The following ATP13A3 variants were observed in gnomAD, a reference collection of about 807,000 sequenced individuals.
The protein encoded by ATP13A3 is ATPase 13A3.
ATP13A3 carries 59 observed loss-of-function variants against 158.1 expected under a neutral mutation model. That is an observed-to-expected ratio of 0.37 (90% CI 0.30 to 0.46). ATP13A3 has a LOEUF of 0.46. Among genes scored for constraint, ATP13A3 ranks in the 20% least tolerant of loss-of-function variants. The pLI, the probability that ATP13A3 is intolerant of heterozygous loss-of-function variation, is 1.00. For synonymous variants in ATP13A3, 491 were observed against 504.3 expected, an observed-to-expected ratio of 0.97 and a Z score of 0.35; for missense variants, 1,166 against 1,525.2, an observed-to-expected ratio of 0.76 and a Z score of 3.92.
In ATP13A3 at chr3:194,409,693, A is replaced by ATTTTTTTTTTTTTTT. The variant is rs71179358; in HGVS notation, c.3573+2491_3573+2505dup. Among the ~76,000 whole-genome samples the ATTTTTTTTTTTTTTT allele has an allele frequency of 3.7e-3, 349 of 93,978 alleles. 43 individuals carry two copies. The highest frequency in any genetic ancestry group is 9.0e-3 in the African/African-American group (184 of 20,336). 61.7% of individuals were successfully genotyped at this position (93,978 alleles called of 152,430 possible). ...TGCTTGATAATCACTGACGTAAAGA[A>ATTTTTTTTTTTTTTT]TTTTTTTTTTTTTTTTTTTTTTTTT... On this transcript the variant is annotated intron_variant, in intron 33 of 33. Coordinates refer to ENST00000645319, the MANE Select transcript of ATP13A3 (RefSeq NM_001367549.1).
chr3:194,468,681 G>A (rs1720145376), intron 2 of ATP13A3, among the ~76,000 whole-genome samples: 2 of 152,158 alleles, frequency 1.3e-5, no homozygotes, highest in South Asian at 4.1e-4. Context: ...TGAGTGTGGA[G>A]AGTGTTGAAT....
chr3:194,450,040 G>C, intron 11 of ATP13A3, 105 bp downstream of exon 11: 1 of 1,179,326 alleles, frequency 8.5e-7, no homozygotes, highest in South Asian at 1.5e-5. Context: ...ACATATTCAT[G>C]AGTAAAGGTA....
chr3:194,444,038 T>G (rs1178774602), intron 15 of ATP13A3, among the ~76,000 whole-genome samples: 1 of 152,210 alleles, frequency 6.6e-6, no homozygotes, highest in East Asian at 1.9e-4. Flanking sequence ...TCCATCCATC[T>G]GGCAAAAATT....
chr3:194,434,986 A>C (rs1717518017), intron 20 of ATP13A3, among the ~76,000 whole-genome samples: 1 of 152,200 alleles, frequency 6.6e-6, no homozygotes, highest in Non-Finnish European at 1.5e-5. Context: ...TATATCATAG[A>C]AATTTTTTTC....
Position 194,431,740 on chromosome 3 carries a change from G to A in ATP13A3, c.2398C>T (p.His800Tyr). 2.5e-6 allele frequency: 4 copies of A among 1,600,900 alleles called. No homozygotes were observed. Among genetic ancestry groups the A allele is most frequent in the Non-Finnish European group, 3.4e-6 (4 of 1,174,750 alleles). ...HYADSLTQCS[H>Y]PSAIDPEAIP... is the part of the protein sequence containing the mutation. ...ACCTCTGGGTCAATTGCTGATGGAT[G>A]ACTGCACTGCGTGAGGGAGTCTGCA... Residue 800 changes from histidine (H) to tyrosine (Y), a missense_variant, in exon 22 of 34, where the codon CAT (histidine) becomes TAT (tyrosine). His to Tyr is a moderately conservative substitution (Grantham distance 83). This residue lies in a region of ATP13A3 where 997 missense variants were observed against 1,341.2 expected (regional missense o/e 0.74). Transcript: ENST00000645319.
At chr3:194,428,717 A>C in intron 28 of ATP13A3, 128 bp downstream of exon 28, 1 of 592,094 alleles carries the variant, frequency 1.7e-6, no homozygotes. Context: ...TAATAAAATA[A>C]CATATTTACA....
chr3:194,485,688 C>A (rs988429704), intron 2 of ATP13A3, 106 bp downstream of exon 2: 1 of 152,190 alleles, frequency 6.6e-6, no homozygotes, highest in Non-Finnish European at 1.5e-5. Flanking sequence ...AAGTCTGTTT[C>A]TAGGTGTACG....
At chr3:194,421,519 C>CT (rs1716374961) in intron 30 of ATP13A3, among the ~76,000 whole-genome samples, 1 of 140,352 alleles carries the variant, frequency 7.1e-6, no homozygotes, top group Admixed American at 7.3e-5. Flanking sequence ...CGCCACTCCA[C>CT]TCTAGCCTGG....
chr3:194,407,798 G>C (rs1405070104), intron 33 of ATP13A3, among the ~76,000 whole-genome samples: 1 of 152,042 alleles, frequency 6.6e-6, no homozygotes, highest in Admixed American at 6.5e-5. Context: ...AAAGTCCACA[G>C]GAAAATATTT....
chr3:194,442,007 T>C (rs1426989206), intron 15 of ATP13A3, among the ~76,000 whole-genome samples: 3 of 152,156 alleles, frequency 2.0e-5, no homozygotes, highest in African/African-American at 4.8e-5. Flanking sequence ...CCTCACACCA[T>C]AGAAAAGGTG....
At position 194,464,358 on chromosome 3, in the gene ATP13A3, C is replaced by T. The variant is rs529514912; in HGVS notation, c.-46-2122G>A. Among the ~76,000 whole-genome samples the T allele has an allele frequency of 2.6e-5, 4 of 152,276 alleles. No homozygotes were observed. In the South Asian group the frequency reaches 8.3e-4, roughly 32 times the overall value. On this transcript the variant is annotated intron_variant, in intron 2 of 33. Coordinates refer to ENST00000645319, the MANE Select transcript of ATP13A3 (RefSeq NM_001367549.1). Reference sequence around the variant, plus strand: ...CGGGTCCGACTTCCTCTAAACAAGCCGTATGACCACACAAAACCTTTTGGG... The same window carrying T: ...CGGGTCCGACTTCCTCTAAACAAGCTGTATGACCACACAAAACCTTTTGGG...
intron 10 of ATP13A3, 135 bp from the exon 11 acceptor site, chr3:194,450,411 G>A (rs1577068124): frequency 2.4e-6 from 2 of 844,386 alleles, no homozygotes; most frequent in Non-Finnish European, 3.6e-6. Context: ...TCCAACAAAT[G>A]GCAAGTTTTA....
chr3:194,453,773 A>G lies in ATP13A3; in HGVS notation c.771T>C (p.Tyr257=). 8 of 1,613,234 alleles carry G rather than the reference A, an allele frequency of 5.0e-6. No individual in the cohort carries two copies. Among genetic ancestry groups the G allele is most frequent in the Non-Finnish European group, 6.8e-6 (8 of 1,179,386 alleles). The change falls in exon 10 of 34, where the codon TAT becomes TAC. Residue 257 remains tyrosine, a synonymous_variant. Coordinates refer to ENST00000645319, the MANE Select transcript of ATP13A3 (RefSeq NM_001367549.1). ...VSSLYSIRKQ[Y]VMLHDMVATH... is the part of the protein sequence containing the mutation. Reference sequence around the variant, plus strand: ...TTGCCACCATGTCATGCAACATAACATATTGCTGAAAGAGGAAAAAGAAGT... The same window carrying G: ...TTGCCACCATGTCATGCAACATAACGTATTGCTGAAAGAGGAAAAAGAAGT...
chr3:194,441,226 A>G, intron 16 of ATP13A3, 85 bp downstream of exon 16: 1 of 1,145,816 alleles, frequency 8.7e-7, no homozygotes, highest in Non-Finnish European at 1.2e-6. Context: ...TAAAACAAAA[A>G]GCAGAAATAA....
intron 10 of ATP13A3, chr3:194,451,523 A>C (rs958363694): frequency 6.6e-6 from 1 of 152,226 alleles, no homozygotes; most frequent in Admixed American, 6.5e-5. Context: ...CAAGAAGAGG[A>C]GAGGCATCAA....
rs56119734 is a variant in ATP13A3, at chr3:194,417,396, G to GACACACACACACAC, written c.3402+2469_3402+2482dup. On this transcript the variant is annotated intron_variant, in intron 31 of 33. Coordinates refer to ENST00000645319, the MANE Select transcript of ATP13A3 (RefSeq NM_001367549.1). Reference sequence around the variant, plus strand: ...AGCCTGGGTACCAGAGCCAGATTCTGACACACACACACACACACACACACA... The same window carrying GACACACACACACAC: ...AGCCTGGGTACCAGAGCCAGATTCTGACACACACACACACACACACACACACACACACACACACA... 4.9e-3 allele frequency among the ~76,000 whole-genome samples: 583 copies of GACACACACACACAC among 118,128 alleles called. 6 individuals carry two copies. Among genetic ancestry groups the GACACACACACACAC allele is most frequent in the Middle Eastern group, 0.016 (4 of 244 alleles). The allele number at this position is 118,128 out of a possible 152,430, so 77.5% of individuals were successfully genotyped here. A position where few individuals can be genotyped will look rare whatever the true frequency, so the allele number is the denominator to read the frequency against.
At chr3:194,444,843 C>G in intron 14 of ATP13A3, 57 bp from the exon 15 acceptor site, 1 of 1,403,034 alleles carries the variant, frequency 7.1e-7, no homozygotes, top group Non-Finnish European at 9.8e-7. Context: ...AAAAAAAAAC[C>G]CAAAAATAAA....
chr3:194,417,761 A>G (rs541786944), intron 31 of ATP13A3, among the ~76,000 whole-genome samples: 6 of 152,224 alleles, frequency 3.9e-5, no homozygotes, highest in African/African-American at 1.4e-4. Flanking sequence ...CAACACAGTG[A>G]AACCCCATTA....
At chr3:194,420,101 T>C in intron 30 of ATP13A3, 134 bp from the exon 31 acceptor site, 1 of 998,994 alleles carries the variant, frequency 1.0e-6, no homozygotes, top group Non-Finnish European at 1.3e-6. Flanking sequence ...TGGAATAAAG[T>C]ATGTGCTCTG....
Sources: allele counts gnomAD v4.1 joint callset (sites outside exome capture counted in the v4.1 genomes callset), GRCh38; gene constraint gnomAD v4.1.1; regional missense constraint gnomAD v4.1.1; transcripts MANE v1.5; gene names NCBI Gene and HGNC (gene_info 2026-07-23, HGNC 2026-07-21).